Variants in STK32A observed in about 807,000 individuals in gnomAD.
STK32A encodes serine/threonine-protein kinase 32A.
STK32A carries 41 observed loss-of-function variants against 53.2 expected under a neutral mutation model. That is an observed-to-expected ratio of 0.77 (90% CI 0.60 to 1.00). The LOEUF is 1.00. Among genes scored for constraint, STK32A ranks in the 50% least tolerant of loss-of-function variants. The pLI, the probability that STK32A is intolerant of heterozygous loss-of-function variation, is 0.00. For synonymous variants in STK32A, 166 were observed against 162.8 expected (o/e 1.02, Z -0.15); for missense variants, 458 against 485.8 (o/e 0.94, Z 0.54).
At chr5:147,375,018 C>G (rs1202234400) in intron 10 of STK32A, 72 bp from the exon 11 acceptor site, 1 of 1,398,628 alleles carries the variant, frequency 7.1e-7, no homozygotes, top group Admixed American at 2.6e-5. Context: ...GTATTATTTT[C>G]CGTATTAGGT....
intron 8 of STK32A, 88 bp downstream of exon 8, chr5:147,361,702 A>C: frequency 1.0e-6 from 1 of 999,012 alleles, no homozygotes; most frequent in Non-Finnish European, 1.5e-6. Flanking sequence ...AGATCCAAGC[A>C]GTTCACTTGA....
intron 2 of STK32A, among the ~76,000 whole-genome samples, chr5:147,255,033 A>T (rs1052507996): frequency 2.0e-5 from 3 of 152,084 alleles, no homozygotes; most frequent in African/African-American, 7.2e-5. Flanking sequence ...CCAGCTACTC[A>T]GGAGGCTGAG....
intron 7 of STK32A, among the ~76,000 whole-genome samples, chr5:147,352,091 G>T (rs1756011964): frequency 6.6e-6 from 1 of 152,094 alleles, no homozygotes; most frequent in African/African-American, 2.4e-5. Flanking sequence ...ATGCATCTGT[G>T]GTCCCAGCTG....
intron 2 of STK32A, among the ~76,000 whole-genome samples, chr5:147,262,807 G>T (rs1754641260): frequency 6.6e-6 from 1 of 152,072 alleles, no homozygotes; most frequent in Non-Finnish European, 1.5e-5. Flanking sequence ...CAACATAACT[G>T]AGTCCTAAGC....
At chr5:147,371,152 C>G (rs985861863) in intron 9 of STK32A, among the ~76,000 whole-genome samples, 1 of 152,058 alleles carries the variant, frequency 6.6e-6, no homozygotes, top group East Asian at 1.9e-4. Context: ...AAATATTTCA[C>G]TTCTCTCTGT....
chr5:147,255,522 G>A (rs994808885), intron 2 of STK32A, among the ~76,000 whole-genome samples: 4 of 152,156 alleles, frequency 2.6e-5, no homozygotes, highest in Admixed American at 6.5e-5. Context: ...CTTATAAAGG[G>A]GTCATTTACC....
intron 2 of STK32A, among the ~76,000 whole-genome samples, chr5:147,276,874 A>G (rs572112018): frequency 8.7e-4 from 132 of 152,330 alleles, no homozygotes; most frequent in African/African-American, 3.0e-3. Flanking sequence ...GGAGGCTCAA[A>G]GAGTCTGTCA....
In STK32A at chr5:147,343,501, T is replaced by C. The variant is rs78350269; in HGVS notation, c.472+458T>C. Among the ~76,000 whole-genome samples the C allele has an allele frequency of 0.013, 2,056 of 152,344 alleles. 139 individuals are homozygous for C. In the East Asian group the frequency reaches 0.2, roughly 15 times the overall value. On this transcript the variant is annotated intron_variant, in intron 6 of 12. Coordinates refer to ENST00000397936, the MANE Select transcript of STK32A (RefSeq NM_001112724.2). ...CCTTCTTATAAAAGGCAAATTGGTT[T>C]TACATTTGCAAATTGGTTTTTACAT...
chr5:147,240,720 T>C (rs1024101277), intron 2 of STK32A, among the ~76,000 whole-genome samples: 1 of 152,188 alleles, frequency 6.6e-6, no homozygotes, highest in Non-Finnish European at 1.5e-5. Context: ...AAACTACAAA[T>C]AACAGTGGCT....
chr5:147,393,719 A>T, the STK32A span: 1 of 249,318 alleles, frequency 4.0e-6, no homozygotes, highest in Non-Finnish European at 7.9e-6. Flanking sequence ...TCCCCTTGTC[A>T]TAAGATGCAG....
chr5:147,370,797 C>G (rs772913984), intron 9 of STK32A, 27 bp downstream of exon 9: 1 of 1,470,646 alleles, frequency 6.8e-7, no homozygotes, highest in Non-Finnish European at 9.5e-7. Context: ...CATGTCCAAA[C>G]GAAGTAACAA....
At chr5:147,279,505 C>T (rs1174993131) in intron 4 of STK32A, 107 bp downstream of exon 4, 11 of 962,462 alleles carry the variant, frequency 1.1e-5, no homozygotes, top group Non-Finnish European at 1.6e-5. Context: ...TATCCAGGCT[C>T]TTGACACAAT....
intron 4 of STK32A, among the ~76,000 whole-genome samples, chr5:147,320,126 C>T (rs1027483441): frequency 1.3e-5 from 2 of 152,192 alleles, no homozygotes; most frequent in African/African-American, 4.8e-5. Flanking sequence ...ATGCTCATCA[C>T]AGTTAACTAA....
intron 11 of STK32A, among the ~76,000 whole-genome samples, chr5:147,381,736 TGG>T (rs996572717): frequency 1.3e-5 from 2 of 152,304 alleles, no homozygotes; most frequent in African/African-American, 4.8e-5. Flanking sequence ...TTTTTGGATT[TGG>T]GGGCTCATGC....
chr5:147,269,844 A>G (rs540914275), intron 2 of STK32A, among the ~76,000 whole-genome samples: 82 of 152,336 alleles, frequency 5.4e-4, no homozygotes, highest in African/African-American at 1.8e-3. Context: ...CTTGCAAAGC[A>G]CCTTAAAAGC....
At chr5:147,378,062 G>A (rs1757300119) in intron 11 of STK32A, among the ~76,000 whole-genome samples, 3 of 152,044 alleles carry the variant, frequency 2.0e-5, no homozygotes, top group African/African-American at 7.2e-5. Flanking sequence ...TAAAACATGA[G>A]TCAATCTTAC....
At chr5:147,299,724 A>G (rs1753037976) in intron 4 of STK32A, among the ~76,000 whole-genome samples, 2 of 152,240 alleles carry the variant, frequency 1.3e-5, no homozygotes, top group Non-Finnish European at 2.9e-5. Flanking sequence ...TCCAATTAAC[A>G]GCAGCGACAA....
chr5:147,239,718 A>G, intron 2 of STK32A, 32 bp downstream of exon 2: 7 of 1,567,632 alleles, frequency 4.5e-6, no homozygotes, highest in African/African-American at 1.4e-5. Context: ...CATATAAAAA[A>G]TAGAATTTTG....
chr5:147,269,762 T>C (rs1754951074), intron 2 of STK32A, among the ~76,000 whole-genome samples: 1 of 152,226 alleles, frequency 6.6e-6, no homozygotes, highest in African/African-American at 2.4e-5. Flanking sequence ...GAATTTAATG[T>C]GCTGTATATG....
Sources: allele counts gnomAD v4.1 joint callset (sites outside exome capture counted in the v4.1 genomes callset), GRCh38; gene constraint gnomAD v4.1.1; transcripts MANE v1.5; gene names NCBI Gene and HGNC (gene_info 2026-07-23, HGNC 2026-07-21).